Variants in TIGD1 observed in about 807,000 individuals in gnomAD.
The protein encoded by TIGD1 is tigger transposable element derived 1.
In TIGD1, 20 loss-of-function variants were observed where a neutral mutation model predicts 21.3. The ratio of observed to expected loss-of-function variants is 0.94; its 90% CI spans 0.66 to 1.36. The LOEUF is 1.36. TIGD1 is among the 40% of genes most tolerant of loss of function. The pLI, the probability that TIGD1 is intolerant of heterozygous loss-of-function variation, is 0.00. For synonymous variants in TIGD1, 177 were observed against 123.2 expected, an observed-to-expected ratio of 1.44 and a Z score of -2.89; for missense variants, 556 against 350.5, an observed-to-expected ratio of 1.59 and a Z score of -4.68.
Position 232,545,757 on chromosome 2 carries a change from G to A in TIGD1, c.*2350C>T, listed in dbSNP as rs1574647717. The stretch of plus-strand genomic sequence containing the variant: ...TGGGGCATGTGGGAGTCACACACGT[G>A]GGTCACACTGAGTCTTATCAGCCAC... On this transcript the variant is annotated 3_prime_UTR_variant, in exon 1 of 1. Coordinates refer to ENST00000408957, the MANE Select transcript of TIGD1 (RefSeq NM_145702.4). 3 of 1,606,578 alleles carry A rather than the reference G, an allele frequency of 1.9e-6. No individual in the cohort carries two copies. The highest frequency in any genetic ancestry group is 1.7e-6 in the Non-Finnish European group (2 of 1,173,802).
At position 232,547,240 on chromosome 2, in the gene TIGD1, C is replaced by T. The variant is rs1021191855; in HGVS notation, c.*867G>A. Among the ~76,000 whole-genome samples, 1 of 152,022 alleles carries T rather than the reference C, an allele frequency of 6.6e-6. No homozygotes were observed. Among genetic ancestry groups the T allele is most frequent in the African/African-American group, 2.4e-5 (1 of 41,376 alleles). ...GAACCCAGCCTGGGCAACATGGGGA[C>T]ACCCGGCCTCTACCAAAAAATACAA... On this transcript the variant is annotated 3_prime_UTR_variant, in exon 1 of 1. Transcript: ENST00000408957.
In TIGD1 at chr2:232,548,288, T is replaced by C. The variant is rs372341040; in HGVS notation, c.1595A>G (p.Glu532Gly). 2.4e-5 allele frequency: 37 copies of C among 1,532,240 alleles called. No individual in the cohort carries two copies. The African/African-American group carries it at 4.4e-4, about 18-fold the overall frequency. 94.9% of individuals were successfully genotyped at this position (1,532,240 alleles called of 1,614,324 possible). A position where few individuals can be genotyped will look rare whatever the true frequency, so the allele number is the denominator to read the frequency against. Residue 532 changes from glutamate (E) to glycine (G), a missense_variant, in exon 1 of 1, where the codon GAA becomes GGA. Coordinates refer to ENST00000408957, the MANE Select transcript of TIGD1 (RefSeq NM_145702.4). ...MLSNSIACYR[E>G]IFHERKSQLM... ...TTGACTCTTCCTTTCATGAAAGATT[T>C]CTCTGTAGCATGCGATGCTGTTTGA...
At position 232,548,614 on chromosome 2, in the gene TIGD1, T is replaced by C; in HGVS notation, c.1269A>G (p.Glu423=). 1 of 539,614 alleles carries C rather than the reference T, an allele frequency of 1.9e-6. No individual in the cohort carries two copies. The highest frequency in any genetic ancestry group is 3.5e-6 in the Non-Finnish European group (1 of 286,014). The allele number at this position is 539,614 out of a possible 1,614,324, so 33.4% of individuals were successfully genotyped here. The change falls in exon 1 of 1, where the codon GAA becomes GAG. Residue 423 remains glutamate, a synonymous_variant. Coordinates refer to ENST00000408957, the MANE Select transcript of TIGD1 (RefSeq NM_145702.4). The part of the protein sequence containing the change: ...DYEGFKTSVE[E]VSADVVEIAK... ...CTATTTCCACCACATCTGCACTTAC[T>C]TCCTCCACTGAAGTCTTGAACCCCT...
In TIGD1 at chr2:232,549,899, C is replaced by A. The variant is rs1457426468; in HGVS notation, c.-17G>T. 11 of 1,295,824 alleles carry A rather than the reference C, an allele frequency of 8.5e-6. No homozygotes were observed. Among genetic ancestry groups the A allele is most frequent in the African/African-American group, 1.5e-5 (1 of 67,134 alleles). 80.3% of individuals were successfully genotyped at this position (1,295,824 alleles called of 1,614,324 possible). ...AGAGGCCATTGCAGAGTCATTAATT[C>A]GCCTAATCTCAATATTGTTGTGTCT... On this transcript the variant is annotated 5_prime_UTR_variant, in exon 1 of 1. Coordinates refer to ENST00000408957, the MANE Select transcript of TIGD1 (RefSeq NM_145702.4).
Position 232,549,269 on chromosome 2 carries a change from T to C in TIGD1, c.614A>G (p.Glu205Gly), listed in dbSNP as rs1045352485. Residue 205 changes from glutamate to glycine, a missense_variant, in exon 1 of 1, where the codon GAG becomes GGG. By Grantham distance (98) the Glu-to-Gly change is moderately conservative (BLOSUM62 -2). Transcript: ENST00000408957. ...KMPSRTFIAREEKSVPGFKAS... is the reference protein window; with the variant it reads ...KMPSRTFIARGEKSVPGFKAS... ...TTTGAAGCCAGGCACTGACTTCTCC[T>C]CTCTAGCTATGAAAGTTCTAGATGG... is the stretch of plus-strand genomic sequence containing the variant. 6 of 665,506 alleles carry C rather than the reference T, an allele frequency of 9.0e-6. No individual in the cohort carries two copies. The highest frequency in any genetic ancestry group is 1.8e-5 in the African/African-American group (1 of 56,638). The allele number at this position is 665,506 out of a possible 1,614,324, so 41.2% of individuals were successfully genotyped here.
Position 232,545,520 on chromosome 2 carries a change from C to T in TIGD1, c.*2587G>A. 6.2e-7 allele frequency: 1 copy of T among 1,611,248 alleles called. No individual in the cohort carries two copies. The highest frequency in any genetic ancestry group is 1.1e-5 in the South Asian group (1 of 90,796). ...AGACCTGGTGCCGCCGCTGGTTATC[C>T]CACACCTGCCTCCCACCCTCAGGGG... is the stretch of plus-strand genomic sequence containing the variant. On this transcript the variant is annotated 3_prime_UTR_variant, in exon 1 of 1. Coordinates refer to ENST00000408957, the MANE Select transcript of TIGD1 (RefSeq NM_145702.4).
Position 232,548,304 on chromosome 2 carries a change from T to A in TIGD1, c.1579A>T (p.Ile527Phe). The A allele has an allele frequency of 6.6e-7, 1 of 1,514,212 alleles. No individual in the cohort carries two copies. Among genetic ancestry groups the A allele is most frequent in the South Asian group, 1.3e-5 (1 of 78,956 alleles). The allele number at this position is 1,514,212 out of a possible 1,614,324, so 93.8% of individuals were successfully genotyped here. The part of the protein sequence containing the change: ...STVGKMLSNS[I>F]ACYREIFHER... ...TGAAAGATTTCTCTGTAGCATGCGA[T>A]GCTGTTTGATAGCATTTTGCCCACA... The change falls in exon 1 of 1, where the codon ATC becomes TTC. Residue 527 changes from isoleucine (I) to phenylalanine (F), a missense_variant. Ile to Phe is a conservative substitution (Grantham distance 21, BLOSUM62 0). Transcript: ENST00000408957.
Position 232,546,167 on chromosome 2 carries a change from C to T in TIGD1, c.*1940G>A, listed in dbSNP as rs938813253. ...CGATGCTCTCTCCAAAGCAGGGCAG[C>T]AGCCCATACCAGCTGGCATCTCCCC... On this transcript the variant is annotated 3_prime_UTR_variant, in exon 1 of 1. Coordinates refer to ENST00000408957, the MANE Select transcript of TIGD1 (RefSeq NM_145702.4). 4 of 242,738 alleles carry T rather than the reference C, an allele frequency of 1.6e-5. No individual in the cohort carries two copies. The highest frequency in any genetic ancestry group is 8.9e-5 in the African/African-American group (4 of 44,970). The allele number at this position is 242,738 out of a possible 1,614,324, so 15.0% of individuals were successfully genotyped here.
rs1268760237 is a variant in TIGD1 at position 232,549,679 on chromosome 2, G to C, written c.204C>G (p.Asn68Lys). 1.4e-6 allele frequency: 1 copy of C among 737,892 alleles called. No individual in the cohort carries two copies. Among genetic ancestry groups the C allele is most frequent in the Non-Finnish European group, 2.5e-6 (1 of 405,162 alleles). 45.7% of individuals were successfully genotyped at this position (737,892 alleles called of 1,614,324 possible). The stretch of plus-strand genomic sequence containing the variant: ...TGTTTCGCTTTCTTATCATTCGTGT[G>C]TTCATTGGAGTAGCACTTTTAACTT... ...LKEVKSATPMNTRMIRKRNSL... is the reference protein window; with the variant it reads ...LKEVKSATPMKTRMIRKRNSL... Residue 68 changes from asparagine to lysine, a missense_variant, in exon 1 of 1, where the codon AAC becomes AAG. By Grantham distance (94) the Asn-to-Lys change is moderately conservative. Coordinates refer to ENST00000408957, the MANE Select transcript of TIGD1 (RefSeq NM_145702.4).
chr2:232,544,362 T>C lies in TIGD1; in HGVS notation c.*3745A>G. 1 of 1,611,004 alleles carries C rather than the reference T, an allele frequency of 6.2e-7. No homozygotes were observed. Among genetic ancestry groups the C allele is most frequent in the African/African-American group, 1.3e-5 (1 of 74,984 alleles). On this transcript the variant is annotated 3_prime_UTR_variant, in exon 1 of 1. Transcript: ENST00000408957. ...GCTGCCCTAGTGAAGCCACCCCCTC[T>C]CTAGGTGTTCCTGAGGCTCTTGCCC...
rs139923422 is a variant in TIGD1 at position 232,546,678 on chromosome 2, AAG to A, written c.*1427_*1428del. 4.0e-3 allele frequency among the ~76,000 whole-genome samples: 612 copies of A among 152,200 alleles called. 3 individuals are homozygous for A. Among genetic ancestry groups the A allele is most frequent in the African/African-American group, 0.014 (573 of 41,516 alleles). Reference sequence around the variant, plus strand: ...GCTCCTCACAGCAGTATGGATAAGCAAGAGTCATTATTCCCCATGTTATATAG... The same window carrying A: ...GCTCCTCACAGCAGTATGGATAAGCAAGTCATTATTCCCCATGTTATATAG... On this transcript the variant is annotated 3_prime_UTR_variant, in exon 1 of 1. Coordinates refer to ENST00000408957, the MANE Select transcript of TIGD1 (RefSeq NM_145702.4).
rs538496703 is a variant in TIGD1 at position 232,545,507 on chromosome 2, G to A, written c.*2600C>T. On this transcript the variant is annotated 3_prime_UTR_variant, in exon 1 of 1. Coordinates refer to ENST00000408957, the MANE Select transcript of TIGD1 (RefSeq NM_145702.4). ...CAGGACCCAGGGAAGACCTGGTGCC[G>A]CCGCTGGTTATCCCACACCTGCCTC... is the stretch of plus-strand genomic sequence containing the variant. 22 of 1,597,972 alleles carry A rather than the reference G, an allele frequency of 1.4e-5. No individual in the cohort carries two copies. Among genetic ancestry groups the A allele is most frequent in the Admixed American group, 8.5e-5 (5 of 59,118 alleles).
In TIGD1 at chr2:232,550,392, G is replaced by T; in HGVS notation, c.-510C>A. 2.1e-6 allele frequency: 1 copy of T among 472,476 alleles called. No homozygotes were observed. Among genetic ancestry groups the T allele is most frequent in the Non-Finnish European group, 3.9e-6 (1 of 259,100 alleles). 29.3% of individuals were successfully genotyped at this position (472,476 alleles called of 1,614,324 possible). A position where few individuals can be genotyped will look rare whatever the true frequency, so the allele number is the denominator to read the frequency against. On this transcript the variant is annotated 5_prime_UTR_variant, in exon 1 of 1. Transcript: ENST00000408957. ...AAGAGGAAGGTTTTTACCAAGCAGC[G>T]AGTCCAGAGCCCGCGCCGTCAACGA...
In TIGD1 at chr2:232,546,730, G is replaced by A. The variant is rs1255059247; in HGVS notation, c.*1377C>T. ...GGCAAATTGAGCCTAGAGTAAGCGG[G>A]ACTCCACACAACAGTGGTGGTTAAA... On this transcript the variant is annotated 3_prime_UTR_variant, in exon 1 of 1. Transcript: ENST00000408957. Among the ~76,000 whole-genome samples the A allele has an allele frequency of 2.0e-5, 3 of 152,120 alleles. No homozygotes were observed. Among genetic ancestry groups the A allele is most frequent in the Admixed American group, 1.3e-4 (2 of 15,272 alleles).
rs965792988 is a variant in TIGD1 at position 232,547,147 on chromosome 2, C to T, written c.*960G>A. Among the ~76,000 whole-genome samples, 1 of 152,178 alleles carries T rather than the reference C, an allele frequency of 6.6e-6. No homozygotes were observed. The highest frequency in any genetic ancestry group is 6.5e-5 in the Admixed American group (1 of 15,286). Reference sequence around the variant, plus strand: ...CCTGGCCAGGTGTGGTGGCTCACACCTGCAATCCCAGCACCTTGGGAGGAC... The same window carrying T: ...CCTGGCCAGGTGTGGTGGCTCACACTTGCAATCCCAGCACCTTGGGAGGAC... On this transcript the variant is annotated 3_prime_UTR_variant, in exon 1 of 1. Coordinates refer to ENST00000408957, the MANE Select transcript of TIGD1 (RefSeq NM_145702.4).
Position 232,545,715 on chromosome 2 carries a change from G to A in TIGD1, c.*2392C>T. ...CGCCCCTACCTGCCCTCACCAGACT[G>A]AGCCAACCAACCACTGTGGGGCATG... is the stretch of plus-strand genomic sequence containing the variant. On this transcript the variant is annotated 3_prime_UTR_variant, in exon 1 of 1. Coordinates refer to ENST00000408957, the MANE Select transcript of TIGD1 (RefSeq NM_145702.4). The A allele has an allele frequency of 6.2e-7, 1 of 1,614,118 alleles. No individual in the cohort carries two copies. The highest frequency in any genetic ancestry group is 1.6e-4 in the Middle Eastern group (1 of 6,062).
chr2:232,550,461 G>A lies in TIGD1; in HGVS notation c.-579C>T, dbSNP rs1285336532. On this transcript the variant is annotated 5_prime_UTR_variant, in exon 1 of 1. Coordinates refer to ENST00000408957, the MANE Select transcript of TIGD1 (RefSeq NM_145702.4). The stretch of plus-strand genomic sequence containing the variant: ...CCGAGCCGCTGCGGGAGGGGGCCAG[G>A]ACACGCTCCCTTAGGAGAGCGGGCG... 10 of 524,834 alleles carry A rather than the reference G, an allele frequency of 1.9e-5. No homozygotes were observed. The Admixed American group carries it at 4.1e-4, about 22-fold the overall frequency. The allele number at this position is 524,834 out of a possible 1,614,324, so 32.5% of individuals were successfully genotyped here. A position where few individuals can be genotyped will look rare whatever the true frequency, so the allele number is the denominator to read the frequency against.
rs776565802 is a variant in TIGD1, at chr2:232,545,665, G to A, written c.*2442C>T. 1.9e-5 allele frequency: 30 copies of A among 1,614,008 alleles called. 1 individual carries two copies. The highest frequency in any genetic ancestry group is 1.1e-4 in the South Asian group (10 of 91,090). On this transcript the variant is annotated 3_prime_UTR_variant, in exon 1 of 1. Transcript: ENST00000408957. ...TCATGGCCCACTACAACCGGGTGCC[G>A]GCCCTGCCATTCCCTGGAGATCCAC...
chr2:232,544,900 A>G lies in TIGD1; in HGVS notation c.*3207T>C, dbSNP rs138232636. On this transcript the variant is annotated 3_prime_UTR_variant, in exon 1 of 1. Transcript: ENST00000408957. ...CCGGCACCAGCAGAGTCACTTTGAC[A>G]ATGTAAGCTGAGTCAGGGTGGGGTG... 2.8e-4 allele frequency: 445 copies of G among 1,613,906 alleles called. 14 individuals carry two copies. The highest frequency in any genetic ancestry group is 2.2e-3 in the South Asian group (202 of 91,082).
Sources: gnomAD v4.1 joint callset for allele counts (sites outside exome capture counted in the v4.1 genomes callset) on GRCh38, gnomAD v4.1.1 for gene constraint, MANE v1.5 for transcripts, NCBI Gene and HGNC (gene_info 2026-07-23, HGNC 2026-07-21) for gene names.